DPP10: variants seen among roughly 807,000 people sequenced by gnomAD.
DPP10 encodes the protein dipeptidyl peptidase like 10.
In DPP10, 33 loss-of-function variants were observed where a neutral mutation model predicts 120.9. The ratio of observed to expected loss-of-function variants is 0.27; its 90% CI spans 0.21 to 0.37. The LOEUF is 0.37. DPP10 is among the 10% of genes least tolerant of loss of function. The pLI, the probability that DPP10 is intolerant of heterozygous loss-of-function variation, is 1.00. For missense variants in DPP10, 816 were observed against 942.8 expected, an observed-to-expected ratio of 0.87 and a Z score of 1.76; for synonymous variants, 337 against 326.1, an observed-to-expected ratio of 1.03 and a Z score of -0.36.
chr2:115,532,850 A>G (rs1471458318), intron 5 of DPP10, among the ~76,000 whole-genome samples: 2 of 151,962 alleles, frequency 1.3e-5, no homozygotes, highest in African/African-American at 4.8e-5. Flanking sequence ...AGTCATGTAT[A>G]TAAATAGTTT....
chr2:114,888,818 A>G (rs1407428661), intron 1 of DPP10, among the ~76,000 whole-genome samples: 3 of 152,196 alleles, frequency 2.0e-5, no homozygotes, highest in Non-Finnish European at 2.9e-5. Flanking sequence ...GAGATAGCAC[A>G]GATAACTTGG....
chr2:115,414,482 A>C (rs1020187388), intron 3 of DPP10, among the ~76,000 whole-genome samples: 1 of 152,200 alleles, frequency 6.6e-6, no homozygotes, highest in Admixed American at 6.6e-5. Context: ...CAAATACATG[A>C]TGTAAAATAT....
intron 1 of DPP10, among the ~76,000 whole-genome samples, chr2:115,296,356 T>A (rs1044799581): frequency 1.3e-5 from 2 of 152,150 alleles, no homozygotes; most frequent in Admixed American, 1.3e-4. Flanking sequence ...GTTCTTTTCA[T>A]GCAGTCGTAT....
At chr2:115,442,363 TTGTG>T (rs555025083) in intron 3 of DPP10, among the ~76,000 whole-genome samples, 43 of 147,344 alleles carry the variant, frequency 2.9e-4, no homozygotes, top group South Asian at 6.5e-4. Flanking sequence ...GTGTGTGTGT[TTGTG>T]TGTGTGTGTG....
chr2:114,538,206 A>C (rs1054430273), intron 1 of DPP10, among the ~76,000 whole-genome samples: 2 of 152,192 alleles, frequency 1.3e-5, no homozygotes, highest in Non-Finnish European at 2.9e-5. Flanking sequence ...GGTTCTTTGG[A>C]CGGTGTGTCT....
intron 1 of DPP10, among the ~76,000 whole-genome samples, chr2:114,732,230 C>T (rs1676990200): frequency 6.6e-6 from 1 of 152,180 alleles, no homozygotes; most frequent in African/African-American, 2.4e-5. Context: ...TCTAGACCTC[C>T]TGAAGTTTAC....
chr2:114,881,761 C>T (rs1264548537), intron 1 of DPP10, among the ~76,000 whole-genome samples: 1 of 152,078 alleles, frequency 6.6e-6, no homozygotes, highest in African/African-American at 2.4e-5. Context: ...AAGTTGTTTG[C>T]ATCATTGGAT....
chr2:114,599,988 A>C (rs1692235187), intron 1 of DPP10, among the ~76,000 whole-genome samples: 2 of 151,568 alleles, frequency 1.3e-5, no homozygotes, highest in South Asian at 4.2e-4. Context: ...AAATATGACT[A>C]TTATGTATCT....
At chr2:115,353,389 A>T (rs1227081285) in intron 3 of DPP10, among the ~76,000 whole-genome samples, 1 of 152,004 alleles carries the variant, frequency 6.6e-6, no homozygotes, top group Non-Finnish European at 1.5e-5. Flanking sequence ...AAGTTGAGTA[A>T]CTCAGTATTG....
At chr2:115,614,048 C>T (rs2149259676) in intron 5 of DPP10, among the ~76,000 whole-genome samples, 1 of 152,238 alleles carries the variant, frequency 6.6e-6, no homozygotes, top group East Asian at 1.9e-4. Flanking sequence ...TCCAAAAAAG[C>T]TTTGGGGCAG....
intron 1 of DPP10, among the ~76,000 whole-genome samples, chr2:114,445,363 T>G (rs1168683630): frequency 6.6e-6 from 1 of 152,172 alleles, no homozygotes; most frequent in Non-Finnish European, 1.5e-5. Flanking sequence ...CAAAGCTCAG[T>G]GTAATAACCT....
At chr2:114,950,616 G>A (rs995520581) in intron 1 of DPP10, among the ~76,000 whole-genome samples, 1 of 151,308 alleles carries the variant, frequency 6.6e-6, no homozygotes, top group Non-Finnish European at 1.5e-5. Context: ...TCTAATAGCT[G>A]TACAACTTAG....
intron 1 of DPP10, among the ~76,000 whole-genome samples, chr2:114,635,947 A>G (rs1045054530): frequency 3.3e-5 from 5 of 151,744 alleles, no homozygotes; most frequent in African/African-American, 9.8e-5. Context: ...ATTCTTGAAC[A>G]TCTATAATTA....
chr2:114,858,376 C>T lies in DPP10; in HGVS notation c.60+415538C>T, dbSNP rs530291766. ...TTTTGCCTCTGTAACAATTTAATGT[C>T]TAATTCTTATCTCTGTAACAATTTA... On this transcript the variant is annotated intron_variant, in intron 1 of 25. Coordinates refer to ENST00000410059, the MANE Select transcript of DPP10 (RefSeq NM_020868.6). 9.2e-5 allele frequency among the ~76,000 whole-genome samples: 14 copies of T among 152,286 alleles called. No individual in the cohort carries two copies. The South Asian group carries it at 2.3e-3, about 25-fold the overall frequency.
intron 1 of DPP10, among the ~76,000 whole-genome samples, chr2:115,051,194 C>G (rs1167813203): frequency 6.6e-6 from 1 of 152,072 alleles, no homozygotes; most frequent in African/African-American, 2.4e-5. Flanking sequence ...TCTTAGCAGA[C>G]AAATCCTTTA....
chr2:114,708,532 T>G (rs1038373189), intron 1 of DPP10, among the ~76,000 whole-genome samples: 2 of 152,118 alleles, frequency 1.3e-5, no homozygotes, highest in African/African-American at 4.8e-5. Context: ...TAATTGACAC[T>G]ATAGACAGAA....
intron 5 of DPP10, among the ~76,000 whole-genome samples, chr2:115,529,021 T>C (rs547341863): frequency 2.3e-4 from 35 of 152,248 alleles, no homozygotes; most frequent in Non-Finnish European, 4.1e-4. Flanking sequence ...TAAGATAGTA[T>C]CGGTGGGGAA....
intron 11 of DPP10, among the ~76,000 whole-genome samples, chr2:115,757,683 C>T (rs1679596393): frequency 6.6e-6 from 1 of 151,990 alleles, no homozygotes; most frequent in Admixed American, 6.6e-5. Context: ...TATCAATACT[C>T]AACTCCAGCA....
rs66716319 is a variant in DPP10, at chr2:114,532,256, C to CATAT, written c.60+89456_60+89459dup. ...CGAGCCAATTCCCATAATAAATCTC[C>CATAT]ATATATATATATATATATATATATA... On this transcript the variant is annotated intron_variant, in intron 1 of 25. Transcript: ENST00000410059. 8.5e-3 allele frequency among the ~76,000 whole-genome samples: 726 copies of CATAT among 85,554 alleles called. 5 individuals are homozygous for CATAT. Among genetic ancestry groups the CATAT allele is most frequent in the African/African-American group, 0.011 (177 of 15,904 alleles). 56.1% of individuals were successfully genotyped at this position (85,554 alleles called of 152,430 possible).
Sources: allele counts gnomAD v4.1 joint callset (sites outside exome capture counted in the v4.1 genomes callset), GRCh38; gene constraint gnomAD v4.1.1; transcripts MANE v1.5; gene names NCBI Gene and HGNC (gene_info 2026-07-23, HGNC 2026-07-21).